Variants in GRM7 observed in about 807,000 individuals in gnomAD.
GRM7 encodes the protein metabotropic glutamate receptor 7.
In GRM7, 35 loss-of-function variants were observed where a neutral mutation model predicts 84.5. That is an observed-to-expected ratio of 0.41 (90% confidence interval 0.32 to 0.55). The LOEUF (loss-of-function observed/expected upper bound fraction) is 0.55. Among genes scored for constraint, GRM7 ranks in the 20% least tolerant of loss-of-function variants. GRM7 has a pLI of 0.19. For synonymous variants in GRM7, 487 were observed against 455.1 expected (o/e 1.07, Z -0.89); for missense variants, 1,003 against 1,194.6 (o/e 0.84, Z 2.36).
At chr3:7,252,815 A>C (rs561883736) in intron 2 of GRM7, among the ~76,000 whole-genome samples, 89 of 151,412 alleles carry the variant, frequency 5.9e-4, no homozygotes, top group African/African-American at 2.1e-3. Context: ...CAGCCTCCAG[A>C]GTAGCTGCGA....
chr3:7,671,641 C>T (rs1316915308), intron 8 of GRM7, among the ~76,000 whole-genome samples: 1 of 150,832 alleles, frequency 6.6e-6, no homozygotes, highest in Non-Finnish European at 1.5e-5. Context: ...TGACCAGATG[C>T]CTGTCCCACG....
intron 1 of GRM7, among the ~76,000 whole-genome samples, chr3:6,918,003 T>G (rs1697001505): frequency 6.6e-6 from 1 of 152,180 alleles, no homozygotes; most frequent in African/African-American, 2.4e-5. Context: ...AGGTTTCTTT[T>G]CACCATATAA....
chr3:7,007,063 G>T (rs1013323929), intron 1 of GRM7, among the ~76,000 whole-genome samples: 5 of 152,160 alleles, frequency 3.3e-5, no homozygotes, highest in African/African-American at 1.2e-4. Flanking sequence ...GAATATATTG[G>T]TTCAAGGTAT....
chr3:7,695,435 T>C (rs1700982723), intron 9 of GRM7, among the ~76,000 whole-genome samples: 1 of 152,206 alleles, frequency 6.6e-6, no homozygotes, highest in African/African-American at 2.4e-5. Context: ...CTACATTTTT[T>C]TTTAGCCCTG....
intron 7 of GRM7, among the ~76,000 whole-genome samples, chr3:7,548,030 T>A (rs910728271): frequency 4.1e-4 from 62 of 152,316 alleles, no homozygotes; most frequent in African/African-American, 1.5e-3. Flanking sequence ...AGGACAAGTT[T>A]GGATCTTGAA....
At chr3:7,229,755 ATATATTTTTT>A (rs1559514728) in intron 2 of GRM7, among the ~76,000 whole-genome samples, 4 of 28,504 alleles carry the variant, frequency 1.4e-4, no homozygotes, top group Non-Finnish European at 2.6e-4. Context: ...ATATATATAT[ATATATTTTTT>A]TTTTTTTTTG....
intron 7 of GRM7, among the ~76,000 whole-genome samples, chr3:7,555,192 G>A (rs962363994): frequency 1.3e-5 from 2 of 152,164 alleles, no homozygotes; most frequent in Non-Finnish European, 2.9e-5. Context: ...TTTAGTATAG[G>A]TCTGATTGGT....
chr3:7,148,027 T>C lies in GRM7; in HGVS notation c.736+1359T>C, dbSNP rs17824926. Among the ~76,000 whole-genome samples, 1,035 of 152,292 alleles carry C rather than the reference T, an allele frequency of 6.8e-3. 11 individuals are homozygous for C. The highest frequency in any genetic ancestry group is 0.034 in the South Asian group (163 of 4,832). Reference sequence around the variant, plus strand: ...ACCATGTCTGTCTCATTTTCTACTATGGCCCCAGGTGCTACATTCCTAAAG... The same window carrying C: ...ACCATGTCTGTCTCATTTTCTACTACGGCCCCAGGTGCTACATTCCTAAAG... On this transcript the variant is annotated intron_variant, in intron 2 of 9. Coordinates refer to ENST00000357716, the MANE Select transcript of GRM7 (RefSeq NM_000844.4).
In GRM7 at chr3:7,578,784, G is replaced by T. The variant is rs1695090792; in HGVS notation, c.1878G>T (p.Arg626=). The T allele has an allele frequency of 6.2e-7, 1 of 1,613,998 alleles. No homozygotes were observed. The highest frequency in any genetic ancestry group is 1.3e-5 in the African/African-American group (1 of 74,994). The part of the protein sequence containing the change: ...NDTPIVRASG[R]ELSYVLLTGI... ...CGCCCATTGTCCGGGCATCTGGGCG[G>T]GAACTCAGCTATGTTCTTTTGACGG... The change falls in exon 8 of 10, where the codon CGG becomes CGT. Residue 626 remains arginine (R), a synonymous_variant. Coordinates refer to ENST00000357716, the MANE Select transcript of GRM7 (RefSeq NM_000844.4).
At chr3:7,060,528 C>A (rs552897356) in intron 1 of GRM7, among the ~76,000 whole-genome samples, 37 of 151,834 alleles carry the variant, frequency 2.4e-4, no homozygotes, top group African/African-American at 8.7e-4. Flanking sequence ...CCAATCTATA[C>A]AGTAGAAGGA....
At chr3:7,100,083 G>T (rs1034218360) in intron 1 of GRM7, among the ~76,000 whole-genome samples, 4 of 150,980 alleles carry the variant, frequency 2.6e-5, no homozygotes, top group South Asian at 4.2e-4. Flanking sequence ...CCCCACAGAA[G>T]ATCGTAGGCA....
chr3:7,035,139 G>T (rs2124932516), intron 1 of GRM7, among the ~76,000 whole-genome samples: 1 of 152,278 alleles, frequency 6.6e-6, no homozygotes, highest in Non-Finnish European at 1.5e-5. Flanking sequence ...GGTTTACCCT[G>T]TGGTAGGAAA....
At chr3:6,988,257 C>T (rs1252064343) in intron 1 of GRM7, among the ~76,000 whole-genome samples, 2 of 149,216 alleles carry the variant, frequency 1.3e-5, no homozygotes, top group African/African-American at 5.0e-5. Context: ...GATCTGCCTG[C>T]CTCGGCCTCC....
intron 8 of GRM7, among the ~76,000 whole-genome samples, chr3:7,632,247 C>T (rs1417838079): frequency 6.6e-6 from 1 of 152,114 alleles, no homozygotes; most frequent in Non-Finnish European, 1.5e-5. Flanking sequence ...AGATACATGA[C>T]TTGATTTACA....
At chr3:6,972,096 C>T (rs937089297) in intron 1 of GRM7, among the ~76,000 whole-genome samples, 3 of 152,120 alleles carry the variant, frequency 2.0e-5, no homozygotes, top group African/African-American at 7.2e-5. Context: ...GAATGTCTGT[C>T]ATCATTTCCA....
intron 6 of GRM7, among the ~76,000 whole-genome samples, chr3:7,459,931 C>G (rs148227811): frequency 1.3e-5 from 2 of 151,580 alleles, no homozygotes; most frequent in South Asian, 2.1e-4. Context: ...CCTTGTTTGT[C>G]TAGAACCCAA....
At chr3:7,252,595 T>A (rs1215283868) in intron 2 of GRM7, among the ~76,000 whole-genome samples, 8 of 152,230 alleles carry the variant, frequency 5.3e-5, no homozygotes, top group Non-Finnish European at 1.2e-4. Context: ...CATGGAAAAC[T>A]TGGGAGATTT....
chr3:7,734,062 C>A (rs1477504245), intron 9 of GRM7, among the ~76,000 whole-genome samples: 1 of 152,126 alleles, frequency 6.6e-6, no homozygotes, highest in African/African-American at 2.4e-5. Flanking sequence ...TTCCCTGTTC[C>A]TGGCACAAAT....
intron 1 of GRM7, among the ~76,000 whole-genome samples, chr3:7,056,674 A>T (rs1697235680): frequency 6.6e-6 from 1 of 151,996 alleles, no homozygotes; most frequent in African/African-American, 2.4e-5. Context: ...CATCCTGATC[A>T]TTATGAGGTC....
Sources: allele counts gnomAD v4.1 joint callset (sites outside exome capture counted in the v4.1 genomes callset), GRCh38; gene constraint gnomAD v4.1.1; transcripts MANE v1.5; gene names NCBI Gene and HGNC (gene_info 2026-07-23, HGNC 2026-07-21).